The following SYT12 variants were observed in gnomAD, a reference collection of about 807,000 sequenced individuals.
SYT12 encodes synaptotagmin 12.
Under a neutral mutation model 39.5 loss-of-function variants are expected in SYT12, and 27 were observed. The ratio of observed to expected loss-of-function variants is 0.68; its 90% CI spans 0.50 to 0.94. SYT12 has a LOEUF of 0.94. SYT12 is among the 40% of genes least tolerant of loss of function. The pLI is 0.00. For missense variants in SYT12, 536 were observed against 572.6 expected (o/e 0.94, Z 0.65); for synonymous variants, 233 against 239.7 (o/e 0.97, Z 0.26).
In SYT12 at chr11:67,037,916, G is replaced by A. The variant is rs540310880; in HGVS notation, c.229-1895G>A. 9.3e-5 allele frequency among the ~76,000 whole-genome samples: 14 copies of A among 150,456 alleles called. No individual in the cohort carries two copies. The East Asian group carries it at 2.7e-3, about 29-fold the overall frequency. ...AAAAAAGAAAAAAAAAAAGCCAGGT[G>A]TAGTAGGTCACACCTGTGGTCCTGG... On this transcript the variant is annotated intron_variant, in intron 3 of 7. Transcript: ENST00000527043.
rs150753337 is a variant in SYT12 at position 67,040,786 on chromosome 11, C to T, written c.621+583C>T. 9.9e-3 allele frequency among the ~76,000 whole-genome samples: 1,504 copies of T among 151,840 alleles called. 26 individuals carry two copies. Among genetic ancestry groups the T allele is most frequent in the African/African-American group, 0.034 (1,419 of 41,400 alleles). ...CTGGGAGGCAGAGCTTGCAGTGAGC[C>T]GAGATCGTGCCACTGCACTCCAGCC... On this transcript the variant is annotated intron_variant, in intron 4 of 7. Transcript: ENST00000527043.
At chr11:67,024,218 T>C (rs1005694509) in intron 1 of SYT12, among the ~76,000 whole-genome samples, 3 of 152,246 alleles carry the variant, frequency 2.0e-5, no homozygotes, top group Admixed American at 6.5e-5. Flanking sequence ...CTGGGAAAGC[T>C]GCACCATGGA....
intron 3 of SYT12, among the ~76,000 whole-genome samples, chr11:67,017,110 A>C (rs1950064538): frequency 6.6e-6 from 1 of 152,196 alleles, no homozygotes. Context: ...GAACAGCTTC[A>C]TCCCCATTTT....
chr11:67,032,376 C>A (rs1377151438), intron 2 of SYT12: 1 of 152,248 alleles, frequency 6.6e-6, no homozygotes. Context: ...ATCCCAGACA[C>A]AAAACCTGTT....
chr11:67,018,060 G>A (rs1164398826), intron 3 of SYT12, among the ~76,000 whole-genome samples: 9 of 151,474 alleles, frequency 5.9e-5, no homozygotes, highest in African/African-American at 1.9e-4. Context: ...TCAGAAGTTC[G>A]AGACCAGCCT....
At chr11:67,022,929 A>C (rs997592401), upstream of SYT12, 1 of 152,184 alleles carries the variant, frequency 6.6e-6, no homozygotes, top group Non-Finnish European at 1.5e-5. Context: ...TTTTAAGGTA[A>C]AGAAACTGAG....
At chr11:67,039,034 T>C (rs944332082) in intron 3 of SYT12, among the ~76,000 whole-genome samples, 9 of 151,680 alleles carry the variant, frequency 5.9e-5, no homozygotes, top group Admixed American at 3.3e-4. Flanking sequence ...CCAGGAGTGG[T>C]GGCTCGCACC....
At chr11:67,011,265 G>A (rs997789171) in intron 3 of SYT12, among the ~76,000 whole-genome samples, 4 of 151,966 alleles carry the variant, frequency 2.6e-5, no homozygotes, top group Non-Finnish European at 4.4e-5. Flanking sequence ...GTTTTGAGAC[G>A]GACTTTTGGT....
At position 67,048,871 on chromosome 11, in the gene SYT12, C is replaced by A; in HGVS notation, c.*114C>A. The A allele has an allele frequency of 8.0e-7, 1 of 1,247,460 alleles. No homozygotes were observed. Among genetic ancestry groups the A allele is most frequent in the Non-Finnish European group, 1.1e-6 (1 of 906,694 alleles). 77.3% of individuals were successfully genotyped at this position (1,247,460 alleles called of 1,614,324 possible). ...AGCCGTGAACACTGGGGTCCCCTGGCAGAGTCCTCATGACCCATCCTGGTC... is the reference window on the plus strand; with the variant it reads ...AGCCGTGAACACTGGGGTCCCCTGGAAGAGTCCTCATGACCCATCCTGGTC... On this transcript the variant is annotated 3_prime_UTR_variant, in exon 8 of 8. Coordinates refer to ENST00000527043, the MANE Select transcript of SYT12 (RefSeq NM_177963.4).
At chr11:67,012,247 T>G (rs1055105479) in intron 3 of SYT12, among the ~76,000 whole-genome samples, 3 of 151,940 alleles carry the variant, frequency 2.0e-5, no homozygotes, top group African/African-American at 7.2e-5. Flanking sequence ...GGTGTGTGCC[T>G]GTAATCCCAG....
At chr11:67,013,721 G>A (rs1950031920) in intron 3 of SYT12, among the ~76,000 whole-genome samples, 2 of 152,272 alleles carry the variant, frequency 1.3e-5, no homozygotes, top group African/African-American at 2.4e-5. Flanking sequence ...CCTCCACTCA[G>A]CTGCAGTCTG....
At chr11:67,019,877 A>G (rs1163952133), upstream of SYT12, among the ~76,000 whole-genome samples, 1 of 150,672 alleles carries the variant, frequency 6.6e-6, no homozygotes, top group Admixed American at 6.6e-5. Context: ...AGCCTGGGTG[A>G]AAGAGTGAGA....
upstream of SYT12, among the ~76,000 whole-genome samples, chr11:67,021,041 A>G (rs995050687): frequency 1.1e-4 from 16 of 152,104 alleles, no homozygotes; most frequent in South Asian, 1.0e-3. Context: ...CTCGCCTTTC[A>G]TTAGTGGTTG....
At chr11:67,025,313 G>A (rs1295891571) in intron 1 of SYT12, among the ~76,000 whole-genome samples, 1 of 152,194 alleles carries the variant, frequency 6.6e-6, no homozygotes, top group Non-Finnish European at 1.5e-5. Flanking sequence ...AGGTATGATC[G>A]AGCTGGAATT....
intron 1 of SYT12, among the ~76,000 whole-genome samples, chr11:67,009,255 C>T (rs1458574057): frequency 6.6e-6 from 1 of 152,138 alleles, no homozygotes; most frequent in Non-Finnish European, 1.5e-5. Flanking sequence ...ATCCCCATGC[C>T]TTGGCCTCCT....
chr11:67,008,942 G>A (rs1252374577), intron 1 of SYT12, among the ~76,000 whole-genome samples: 3 of 152,182 alleles, frequency 2.0e-5, no homozygotes, highest in Non-Finnish European at 4.4e-5. Context: ...AGGATTGAAT[G>A]AGCCAATATG....
chr11:67,007,361 G>C (rs1949977817), exon 1 of SYT12: 2 of 152,270 alleles, frequency 1.3e-5, no homozygotes, highest in African/African-American at 4.8e-5. Flanking sequence ...CCTGTCCCCA[G>C]CCTTACCCAG....
intron 6 of SYT12, 28 bp from the exon 7 acceptor site, chr11:67,045,716 T>C: frequency 6.2e-7 from 1 of 1,610,154 alleles, no homozygotes; most frequent in Non-Finnish European, 8.5e-7. Flanking sequence ...AGTGTGACAC[T>C]GGCCCTCACC....
At chr11:67,011,489 C>T (rs997862649) in intron 3 of SYT12, among the ~76,000 whole-genome samples, 2 of 151,852 alleles carry the variant, frequency 1.3e-5, no homozygotes, top group Admixed American at 1.3e-4. Context: ...GTGATCCGCC[C>T]GCCTGGGCCT....
Sources: allele counts gnomAD v4.1 joint callset (sites outside exome capture counted in the v4.1 genomes callset), GRCh38; gene constraint gnomAD v4.1.1; transcripts MANE v1.5; gene names NCBI Gene and HGNC (gene_info 2026-07-23, HGNC 2026-07-21).